The following INHBA variants were observed in gnomAD, a reference collection of about 807,000 sequenced individuals.
INHBA encodes the protein inhibin beta A chain.
Under a neutral mutation model 29.0 loss-of-function variants are expected in INHBA, and 1 was observed. That is an observed-to-expected ratio of 0.03 (90% CI 0.01 to 0.16). INHBA has a LOEUF of 0.16. Ranked by LOEUF, INHBA falls within the 10% of genes least tolerant of loss-of-function variation. INHBA has a pLI of 1.00. For missense variants in INHBA, 376 were observed against 545.4 expected (o/e 0.69, Z 3.09); for synonymous variants, 242 against 216.8 (o/e 1.12, Z -1.02).
intron 2 of INHBA, chr7:41,692,669 G>A (rs1338866030): frequency 6.6e-6 from 1 of 152,288 alleles, no homozygotes; most frequent in Admixed American, 6.5e-5. Flanking sequence ...GAGTTGAAAT[G>A]AATAATAAAG....
rs751609161 is a variant in INHBA, at chr7:41,690,427, C to T, written c.504G>A (p.Arg168=). The T allele has an allele frequency of 1.9e-6, 3 of 1,614,100 alleles. No homozygotes were observed. Among genetic ancestry groups the T allele is most frequent in the African/African-American group, 1.3e-5 (1 of 75,036 alleles). Residue 168 remains arginine (R), a synonymous_variant, in exon 3 of 3, where the codon AGG becomes AGA. Coordinates refer to ENST00000242208, the MANE Select transcript of INHBA (RefSeq NM_002192.4). ...GGAAGAGGCGGATGGTGACTTTGGT[C>T]CTGGTCCTGTTGGCCTTGGGGACTT... ...FLKVPKANRT[R]TKVTIRLFQQ...
intron 1 of INHBA, among the ~76,000 whole-genome samples, chr7:41,700,841 AAGAGAGAGAGAGAGAGAG>A (rs3030163): frequency 1.3e-5 from 1 of 79,098 alleles, no homozygotes; most frequent in Non-Finnish European, 2.4e-5. Context: ...GAGGGAAAGG[AAGAGAGAGAGAGAGAGAG>A]AGAGAGAGAG....
chr7:41,698,659 C>T (rs917030151), intron 2 of INHBA, among the ~76,000 whole-genome samples: 13 of 152,196 alleles, frequency 8.5e-5, no homozygotes, highest in African/African-American at 3.1e-4. Context: ...GGTGAGAGAG[C>T]CAAACTGGGA....
chr7:41,698,717 C>G (rs1794705001), intron 2 of INHBA, among the ~76,000 whole-genome samples: 1 of 152,182 alleles, frequency 6.6e-6, no homozygotes, highest in Non-Finnish European at 1.5e-5. Flanking sequence ...GCCACACAGC[C>G]AGCAGGCTAT....
At position 41,685,234 on chromosome 7, in the gene INHBA, G is replaced by A. The variant is rs1043764002; in HGVS notation, c.*4416C>T. 2 of 152,072 alleles carry A rather than the reference G, an allele frequency of 1.3e-5. No individual in the cohort carries two copies. The highest frequency in any genetic ancestry group is 6.5e-5 in the Admixed American group (1 of 15,284). The allele number at this position is 152,072 out of a possible 1,614,324, so 9.4% of individuals were successfully genotyped here. A position where few individuals can be genotyped will look rare whatever the true frequency, so the allele number is the denominator to read the frequency against. On this transcript the variant is annotated 3_prime_UTR_variant, in exon 3 of 3. Transcript: ENST00000242208. ...ATGCCTCGCAAACACCAAAATATCC[G>A]CTGGAATGCCATAGAAATAAATAAC...
chr7:41,704,008 C>T (rs777764925), upstream of INHBA, among the ~76,000 whole-genome samples: 9 of 152,018 alleles, frequency 5.9e-5, no homozygotes, highest in African/African-American at 9.7e-5. Context: ...CTGACAAGAA[C>T]GGTGAAGGGT....
intron 2 of INHBA, among the ~76,000 whole-genome samples, chr7:41,699,354 T>C (rs1207371596): frequency 6.6e-6 from 1 of 152,172 alleles, no homozygotes; most frequent in Non-Finnish European, 1.5e-5. Flanking sequence ...CAATGACAAC[T>C]GTCCCCCAAA....
Position 41,700,841 on chromosome 7 carries a change from A to AAGAGAGAGAGAGAGAGAGAG in INHBA, c.-143-344_-143-325dup, listed in dbSNP as rs3030163. ...AGGGGGAGAGGGAGAGAGGGAAAGG[A>AAGAGAGAGAGAGAGAGAGAG]AGAGAGAGAGAGAGAGAGAGAGAGA... On this transcript the variant is annotated intron_variant, in intron 1 of 2. Transcript: ENST00000242208. Among the ~76,000 whole-genome samples, 584 of 79,120 alleles carry AAGAGAGAGAGAGAGAGAGAG rather than the reference A, an allele frequency of 7.4e-3. 26 individuals are homozygous for AAGAGAGAGAGAGAGAGAGAG. Among genetic ancestry groups the AAGAGAGAGAGAGAGAGAGAG allele is most frequent in the Non-Finnish European group, 8.1e-3 (336 of 41,320 alleles). The allele number at this position is 79,120 out of a possible 152,430, so 51.9% of individuals were successfully genotyped here. A position where few individuals can be genotyped will look rare whatever the true frequency, so the allele number is the denominator to read the frequency against.
At chr7:41,695,777 G>A (rs187897577) in intron 2 of INHBA, among the ~76,000 whole-genome samples, 276 of 152,286 alleles carry the variant, frequency 1.8e-3, no homozygotes, top group African/African-American at 6.3e-3. Flanking sequence ...TTCTTCCAAA[G>A]TTCCTGAGAA....
chr7:41,695,819 C>A (rs1410696406), intron 2 of INHBA, among the ~76,000 whole-genome samples: 2 of 152,088 alleles, frequency 1.3e-5, no homozygotes, highest in Admixed American at 6.5e-5. Context: ...ACTTAGGAAC[C>A]AGTCGAGTAC....
chr7:41,700,466 TTTA>T lies in INHBA; in HGVS notation c.-95_-93del, dbSNP rs1346783883. ...AGGTTTTTTTGTGTGTGTGGATTTT[TTTA>T]TTTTTTTTTTTGGTGTTTTTTTTTT... is the stretch of plus-strand genomic sequence containing the variant. On this transcript the variant is annotated 5_prime_UTR_variant, in exon 2 of 3. Coordinates refer to ENST00000242208, the MANE Select transcript of INHBA (RefSeq NM_002192.4). 4.8e-6 allele frequency: 6 copies of T among 1,243,318 alleles called. No homozygotes were observed. The highest frequency in any genetic ancestry group is 5.5e-5 in the Admixed American group (2 of 36,110). The allele number at this position is 1,243,318 out of a possible 1,614,324, so 77.0% of individuals were successfully genotyped here.
intron 2 of INHBA, among the ~76,000 whole-genome samples, chr7:41,699,394 C>T (rs1228711528): frequency 6.6e-6 from 1 of 152,164 alleles, no homozygotes; most frequent in African/African-American, 2.4e-5. Flanking sequence ...AATGTGGTGC[C>T]TGTGCACTTA....
Position 41,689,320 on chromosome 7 carries a change from G to C in INHBA, c.*330C>G. 1 of 281,928 alleles carries C rather than the reference G, an allele frequency of 3.5e-6. No individual in the cohort carries two copies. Among genetic ancestry groups the C allele is most frequent in the African/African-American group, 2.2e-5 (1 of 46,496 alleles). The allele number at this position is 281,928 out of a possible 1,614,324, so 17.5% of individuals were successfully genotyped here. ...TCAAGGCTCACAAGGGAACCTCAAG[G>C]GGGGAAAGGACAATACCCCGTTTAA... On this transcript the variant is annotated 3_prime_UTR_variant, in exon 3 of 3. Transcript: ENST00000242208.
intron 1 of INHBA, among the ~76,000 whole-genome samples, chr7:41,701,658 C>T (rs1794799359): frequency 6.6e-6 from 1 of 152,184 alleles, no homozygotes; most frequent in South Asian, 2.1e-4. Flanking sequence ...ACTCGCCGGA[C>T]TTCACAGATA....
rs1429366494 is a variant in INHBA at position 41,700,348 on chromosome 7, A to C, written c.27T>G (p.Phe9Leu). The change falls in exon 2 of 3, where the codon TTT becomes TTG. Residue 9 changes from phenylalanine to leucine, a missense_variant. Phe to Leu is a conservative substitution (Grantham distance 22). Transcript: ENST00000242208. ...CTATAATCCAGCAACTTGCCAACAGAAATCCTCTCAGCCAAAGCAAGGGCA... is the reference window on the plus strand; with the variant it reads ...CTATAATCCAGCAACTTGCCAACAGCAATCCTCTCAGCCAAAGCAAGGGCA... Reference protein sequence around the residue: MPLLWLRGFLLASCWIIVR... With the variant: MPLLWLRGLLLASCWIIVR... 2 of 1,498,576 alleles carry C rather than the reference A, an allele frequency of 1.3e-6. No individual in the cohort carries two copies. The highest frequency in any genetic ancestry group is 4.6e-5 in the East Asian group (2 of 43,632). The allele number at this position is 1,498,576 out of a possible 1,614,324, so 92.8% of individuals were successfully genotyped here. A position where few individuals can be genotyped will look rare whatever the true frequency, so the allele number is the denominator to read the frequency against.
intron 1 of INHBA, among the ~76,000 whole-genome samples, chr7:41,700,924 TGCTGTGAGTAGG>T (rs1357866754): frequency 6.8e-6 from 1 of 146,490 alleles, no homozygotes; most frequent in Non-Finnish European, 1.5e-5. Flanking sequence ...GGAGGGAGTT[TGCTGTGAGTAGG>T]GCTGTGATTA....
In INHBA at chr7:41,689,642, G is replaced by A; in HGVS notation, c.*8C>T. ...CTCTTGCTCCCTTTCCCCCTGGGCTGGGCAACTCTATGAGCACCCACACTC... is the reference window on the plus strand; with the variant it reads ...CTCTTGCTCCCTTTCCCCCTGGGCTAGGCAACTCTATGAGCACCCACACTC... On this transcript the variant is annotated 3_prime_UTR_variant, in exon 3 of 3. Coordinates refer to ENST00000242208, the MANE Select transcript of INHBA (RefSeq NM_002192.4). The A allele has an allele frequency of 6.5e-7, 1 of 1,549,108 alleles. No homozygotes were observed. Among genetic ancestry groups the A allele is most frequent in the Non-Finnish European group, 8.7e-7 (1 of 1,148,122 alleles).
chr7:41,702,564 C>T (rs1303243066), intron 1 of INHBA, among the ~76,000 whole-genome samples: 1 of 152,176 alleles, frequency 6.6e-6, no homozygotes, highest in African/African-American at 2.4e-5. Flanking sequence ...TATTTGGAGT[C>T]ACATATACAG....
upstream of INHBA, among the ~76,000 whole-genome samples, chr7:41,703,896 A>T (rs1277654869): frequency 6.6e-6 from 1 of 152,208 alleles, no homozygotes; most frequent in Non-Finnish European, 1.5e-5. Flanking sequence ...ATTAATGAAA[A>T]GAAGTGAACA....
Sources: gnomAD v4.1 joint callset for allele counts (sites outside exome capture counted in the v4.1 genomes callset) on GRCh38, gnomAD v4.1.1 for gene constraint, MANE v1.5 for transcripts, NCBI Gene and HGNC (gene_info 2026-07-23, HGNC 2026-07-21) for gene names.